The following RMDN2 variants were observed in gnomAD, a reference collection of about 807,000 sequenced individuals.
RMDN2 encodes the protein regulator of microtubule dynamics protein 2.
In RMDN2, 61 loss-of-function variants were observed where a neutral mutation model predicts 52.8. That is an observed-to-expected ratio of 1.16 (90% CI 0.94 to 1.43). The LOEUF (loss-of-function observed/expected upper bound fraction) is 1.43. RMDN2 is among the 40% of genes most tolerant of loss of function. RMDN2 has a pLI of 0.00. For missense variants in RMDN2, 592 were observed against 475.3 expected (o/e 1.25, Z -2.28); for synonymous variants, 180 against 153.1 (o/e 1.18, Z -1.30).
chr2:38,066,312 G>A (rs989463066), intron 10 of RMDN2, among the ~76,000 whole-genome samples: 8 of 152,140 alleles, frequency 5.3e-5, no homozygotes, highest in East Asian at 3.9e-4. Flanking sequence ...CCTGTATGTC[G>A]CTTAGCAGAG....
At position 37,991,309 on chromosome 2, in the gene RMDN2, G is replaced by A. The variant is rs1420891585; in HGVS notation, c.945+12G>A. On this transcript the variant is annotated intron_variant, in intron 7 of 10. Coordinates refer to ENST00000354545, the MANE Select transcript of RMDN2 (RefSeq NM_001170791.3). Reference sequence around the variant, plus strand: ...GATACTGCTATACTGTAAGTTGAATGCCTTTATTTATAAACTTTATTTGAA... The same window carrying A: ...GATACTGCTATACTGTAAGTTGAATACCTTTATTTATAAACTTTATTTGAA... 4 of 1,351,866 alleles carry A rather than the reference G, an allele frequency of 3.0e-6. No individual in the cohort carries two copies. The highest frequency in any genetic ancestry group is 4.6e-5 in the Admixed American group (2 of 43,574). The allele number at this position is 1,351,866 out of a possible 1,614,324, so 83.7% of individuals were successfully genotyped here.
chr2:37,930,996 G>T (rs1006919351), intron 2 of RMDN2, among the ~76,000 whole-genome samples: 2 of 151,562 alleles, frequency 1.3e-5, no homozygotes, highest in Admixed American at 6.6e-5. Context: ...GCCCAGCGCT[G>T]CTACCCACCC....
chr2:38,024,767 G>A (rs1679654458), intron 10 of RMDN2, among the ~76,000 whole-genome samples: 1 of 151,912 alleles, frequency 6.6e-6, no homozygotes, highest in Admixed American at 6.6e-5. Flanking sequence ...ATGAAGTTTT[G>A]CCTCCAAATC....
chr2:38,035,857 T>C (rs1332280522), intron 10 of RMDN2: 1 of 152,150 alleles, frequency 6.6e-6, no homozygotes, highest in Non-Finnish European at 1.5e-5. Context: ...CAATGTTACA[T>C]TCCAAGCATT....
chr2:37,984,347 T>C (rs1188807002), intron 5 of RMDN2, among the ~76,000 whole-genome samples: 1 of 152,210 alleles, frequency 6.6e-6, no homozygotes, highest in African/African-American at 2.4e-5. Flanking sequence ...TTATAAGTAA[T>C]GTCTTACATA....
At chr2:37,956,359 T>C (rs1572789421) in intron 2 of RMDN2, among the ~76,000 whole-genome samples, 1 of 152,126 alleles carries the variant, frequency 6.6e-6, no homozygotes, top group Non-Finnish European at 1.5e-5. Context: ...ATTACTCTTA[T>C]AATCCTTTTT....
chr2:38,002,863 A>G (rs1676503286), intron 8 of RMDN2: 1 of 152,044 alleles, frequency 6.6e-6, no homozygotes, highest in African/African-American at 2.4e-5. Flanking sequence ...CTTGTGTTCT[A>G]CCCCCCTCTA....
intron 2 of RMDN2, among the ~76,000 whole-genome samples, chr2:37,971,886 C>G (rs1671857127): frequency 1.3e-5 from 2 of 152,080 alleles, no homozygotes; most frequent in Non-Finnish European, 2.9e-5. Context: ...ACAAAAATTC[C>G]TATTAGGCTT....
chr2:37,951,960 C>T (rs772227256), intron 2 of RMDN2: 2 of 1,613,256 alleles, frequency 1.2e-6, no homozygotes, highest in Non-Finnish European at 1.7e-6. Flanking sequence ...AAAAGATTTC[C>T]TTCATCCTCG....
At chr2:38,011,865 C>T (rs1485449008) in intron 10 of RMDN2, among the ~76,000 whole-genome samples, 1 of 152,124 alleles carries the variant, frequency 6.6e-6, no homozygotes, top group Non-Finnish European at 1.5e-5. Flanking sequence ...CCCACTTTCC[C>T]CCGGACCACA....
intron 4 of RMDN2, among the ~76,000 whole-genome samples, chr2:37,977,773 C>G (rs933566125): frequency 2.0e-5 from 3 of 151,770 alleles, no homozygotes; most frequent in African/African-American, 7.3e-5. Context: ...GGTGGCCGGG[C>G]AGAGACGCTC....
At chr2:38,023,692 T>C (rs1401910201) in intron 10 of RMDN2, among the ~76,000 whole-genome samples, 1 of 152,256 alleles carries the variant, frequency 6.6e-6, no homozygotes, top group Middle Eastern at 3.2e-3. Flanking sequence ...GTAAAGTTCA[T>C]ACTTGAAGTA....
intron 2 of RMDN2, among the ~76,000 whole-genome samples, chr2:37,948,822 A>G (rs1668450701): frequency 6.6e-6 from 1 of 152,138 alleles, no homozygotes; most frequent in Non-Finnish European, 1.5e-5. Context: ...TGCTTGAATA[A>G]GGTCGGGGGA....
intron 4 of RMDN2, chr2:37,976,290 A>G (rs1481609873): frequency 6.6e-6 from 1 of 152,224 alleles, no homozygotes; most frequent in Admixed American, 6.5e-5. Flanking sequence ...CTTGACTCTT[A>G]CTGGATGTCA....
intron 7 of RMDN2, among the ~76,000 whole-genome samples, chr2:37,996,601 G>GAAAAAAAAAAAAAAAA (rs1161536445): frequency 3.4e-5 from 2 of 58,004 alleles, no homozygotes; most frequent in Admixed American, 2.7e-4. Flanking sequence ...AAAAAAAAAA[G>GAAAAAAAAAAAAAAAA]AAAAAAAAAA....
intron 1 of RMDN2, among the ~76,000 whole-genome samples, chr2:37,926,573 CTGTT>C (rs141108300): frequency 0.03 from 4,486 of 150,932 alleles, 180 homozygotes; most frequent in African/African-American, 0.1. Flanking sequence ...GTTTTAAAAT[CTGTT>C]TGGTAAAGTT....
In RMDN2 at chr2:38,037,777, T is replaced by C. The variant is rs548206376; in HGVS notation, c.1714-29205T>C. 5.9e-5 allele frequency among the ~76,000 whole-genome samples: 9 copies of C among 152,368 alleles called. No individual in the cohort carries two copies. The South Asian group carries it at 1.4e-3, about 25-fold the overall frequency. On this transcript the variant is annotated intron_variant, in intron 10 of 10. Transcript: ENST00000234195. Reference sequence around the variant, plus strand: ...CAAACTGCTTATAAAGGATACTGCGTGAGCTTTATGCACTTTGGCTCTTTT... The same window carrying C: ...CAAACTGCTTATAAAGGATACTGCGCGAGCTTTATGCACTTTGGCTCTTTT...
intron 10 of RMDN2, among the ~76,000 whole-genome samples, chr2:38,042,377 T>C (rs570900252): frequency 2.0e-5 from 3 of 150,684 alleles, no homozygotes; most frequent in South Asian, 2.1e-4. Flanking sequence ...ATCAATCTTA[T>C]TGATCTTTTC....
intron 2 of RMDN2, among the ~76,000 whole-genome samples, chr2:37,970,972 G>C (rs2125059587): frequency 6.6e-6 from 1 of 151,918 alleles, no homozygotes; most frequent in East Asian, 1.9e-4. Context: ...TCAGATATAT[G>C]ATTCATAACA....
Sources: allele counts gnomAD v4.1 joint callset (sites outside exome capture counted in the v4.1 genomes callset), GRCh38; gene constraint gnomAD v4.1.1; transcripts MANE v1.5; gene names NCBI Gene and HGNC (gene_info 2026-07-23, HGNC 2026-07-21).